The following SMPD3 variants were observed in gnomAD, a reference collection of about 807,000 sequenced individuals.
SMPD3 encodes nSMase-2.
SMPD3 carries 21 observed loss-of-function variants against 55.7 expected under a neutral mutation model. The observed-to-expected ratio is 0.38, with a 90% CI of 0.27 to 0.54. The LOEUF is 0.54. SMPD3 is among the 20% of genes least tolerant of loss of function. The pLI is 0.80. For synonymous variants in SMPD3, 457 were observed against 404.3 expected (o/e 1.13, Z -1.56); for missense variants, 842 against 899.6 (o/e 0.94, Z 0.82).
intron 8 of SMPD3, 120 bp from the exon 9 acceptor site, chr16:68,361,427 C>T (rs2089259198): frequency 3.7e-6 from 5 of 1,362,084 alleles, no homozygotes; most frequent in African/African-American, 1.4e-5. Context: ...GACCTTCCTG[C>T]AGTCAGAGGG....
chr16:68,437,758 C>T (rs1207117875), intron 1 of SMPD3, among the ~76,000 whole-genome samples: 1 of 152,226 alleles, frequency 6.6e-6, no homozygotes, highest in East Asian at 1.9e-4. Flanking sequence ...CCTCTCCTTT[C>T]CTGCCTTTGT....
intron 1 of SMPD3, among the ~76,000 whole-genome samples, chr16:68,388,763 G>C (rs1421636980): frequency 2.0e-5 from 3 of 151,852 alleles, no homozygotes; most frequent in Admixed American, 2.0e-4. Flanking sequence ...ATGGAATCTC[G>C]ACAACCTTGA....
At chr16:68,410,652 C>T (rs975797361) in intron 1 of SMPD3, among the ~76,000 whole-genome samples, 5 of 152,248 alleles carry the variant, frequency 3.3e-5, no homozygotes, top group Admixed American at 3.3e-4. Flanking sequence ...CAGAGTTTGA[C>T]TGAGAGTCAT....
chr16:68,398,397 A>C (rs1597645235), intron 1 of SMPD3, among the ~76,000 whole-genome samples: 1 of 152,238 alleles, frequency 6.6e-6, no homozygotes, highest in African/African-American at 2.4e-5. Context: ...CATGTGTCAG[A>C]AAGCTGGTGC....
Position 68,371,909 on chromosome 16 carries a change from G to T in SMPD3, c.273C>A (p.Ala91=), listed in dbSNP as rs1403189485. The change falls in exon 3 of 9, where the codon GCC becomes GCA. Residue 91 remains alanine (A), a synonymous_variant. Coordinates refer to ENST00000219334, the MANE Select transcript of SMPD3 (RefSeq NM_018667.4). ...GFLFWSPLQS[A]RRPYIYSRLE... Reference sequence around the variant, plus strand: ...GCCGTGAATAGATGTAGGGCCGGCGGGCCGACTGCAGTGGGGACCAGAAGA... The same window carrying T: ...GCCGTGAATAGATGTAGGGCCGGCGTGCCGACTGCAGTGGGGACCAGAAGA... The T allele has an allele frequency of 8.7e-6, 14 of 1,610,806 alleles. No homozygotes were observed. The highest frequency in any genetic ancestry group is 1.1e-5 in the Non-Finnish European group (13 of 1,179,422).
chr16:68,371,874 T>C lies in SMPD3; in HGVS notation c.308A>G (p.Lys103Arg), dbSNP rs2151984155. 1.9e-6 allele frequency: 3 copies of C among 1,608,418 alleles called. No individual in the cohort carries two copies. The highest frequency in any genetic ancestry group is 2.5e-6 in the Non-Finnish European group (3 of 1,178,522). Reference sequence around the variant, plus strand: ...CAGGGCTGCCCCACCGGCCAGGCCCTTGTCTTCCAGCCGTGAATAGATGTA... The same window carrying C: ...CAGGGCTGCCCCACCGGCCAGGCCCCTGTCTTCCAGCCGTGAATAGATGTA... ...RPYIYSRLED[K>R]GLAGGAALLS... The change falls in exon 3 of 9, where the codon AAG becomes AGG. Residue 103 changes from lysine to arginine, a missense_variant. Physicochemically the swap from Lys to Arg is conservative, Grantham distance 26. Transcript: ENST00000219334.
intron 1 of SMPD3, among the ~76,000 whole-genome samples, chr16:68,444,391 C>A (rs1310133815): frequency 1.3e-5 from 2 of 152,228 alleles, no homozygotes; most frequent in Admixed American, 6.5e-5. Flanking sequence ...AGCATGCATG[C>A]TGCCACTTGC....
In SMPD3 at chr16:68,405,410, C is replaced by T. The variant is rs142995047; in HGVS notation, c.-268-18751G>A. ...TACAAAAAATACAAAAATTAGCCCA[C>T]GTGGTGGCACACACCCGTGGTCCCA... On this transcript the variant is annotated intron_variant, in intron 1 of 8. Transcript: ENST00000219334. Among the ~76,000 whole-genome samples the T allele has an allele frequency of 7.5e-3, 1,134 of 151,210 alleles. 7 individuals carry two copies. The highest frequency in any genetic ancestry group is 0.055 in the South Asian group (262 of 4,788).
chr16:68,364,597 A>G (rs1206061518), intron 5 of SMPD3, 154 bp downstream of exon 5: 2 of 832,886 alleles, frequency 2.4e-6, no homozygotes, highest in Non-Finnish European at 3.7e-6. Context: ...TAGGATTTCT[A>G]GGGGGCAGAG....
intron 1 of SMPD3, among the ~76,000 whole-genome samples, chr16:68,436,228 T>C (rs1287577533): frequency 6.6e-6 from 1 of 152,232 alleles, no homozygotes; most frequent in South Asian, 2.1e-4. Flanking sequence ...TAGAACAATC[T>C]GAATTCCTTA....
chr16:68,413,161 T>A (rs1293577614), intron 1 of SMPD3, among the ~76,000 whole-genome samples: 1 of 152,132 alleles, frequency 6.6e-6, no homozygotes, highest in Non-Finnish European at 1.5e-5. Flanking sequence ...AGGGCCTGAG[T>A]TTCGGTGATG....
At chr16:68,411,655 GC>G (rs929063248) in intron 1 of SMPD3, among the ~76,000 whole-genome samples, 4 of 152,224 alleles carry the variant, frequency 2.6e-5, no homozygotes, top group African/African-American at 9.6e-5. Flanking sequence ...TGGGGGAACA[GC>G]AGCCACGTAG....
At chr16:68,363,307 G>A (rs575707929) in intron 7 of SMPD3, among the ~76,000 whole-genome samples, 189 bp downstream of exon 7, 260 of 152,314 alleles carry the variant, frequency 1.7e-3, no homozygotes, top group African/African-American at 5.9e-3. Context: ...GCGTGAGGGC[G>A]TGAGGTCTAC....
At position 68,372,168 on chromosome 16, in the gene SMPD3, G is replaced by A. The variant is rs749539970; in HGVS notation, c.14C>T (p.Thr5Met). 17 of 1,612,064 alleles carry A rather than the reference G, an allele frequency of 1.1e-5. No individual in the cohort carries two copies. Among genetic ancestry groups the A allele is most frequent in the Admixed American group, 3.3e-5 (2 of 59,724 alleles). The change falls in exon 3 of 9, where the codon ACG (threonine) becomes ATG (methionine). Residue 5 changes from threonine to methionine, a missense_variant. Coordinates refer to ENST00000219334, the MANE Select transcript of SMPD3 (RefSeq NM_018667.4). ...CAGACAGCTGTTAGGAAAGGGGGTC[G>A]TGTACAAAACCATCGCAGCTCACTG... MVLY[T>M]TPFPNSCLSA...
chr16:68,373,648 C>T (rs1181753081), intron 2 of SMPD3, among the ~76,000 whole-genome samples: 1 of 152,220 alleles, frequency 6.6e-6, no homozygotes, highest in African/African-American at 2.4e-5. Context: ...TCAGTCCCTG[C>T]CACTCCTGCT....
chr16:68,433,496 GCTACAT>G (rs1278634990), intron 1 of SMPD3, among the ~76,000 whole-genome samples: 1 of 152,254 alleles, frequency 6.6e-6, no homozygotes, highest in Non-Finnish European at 1.5e-5. Context: ...ATAAGGGGGA[GCTACAT>G]CCCTGTACAA....
chr16:68,375,230 T>C (rs1001377285), intron 2 of SMPD3, among the ~76,000 whole-genome samples: 1 of 144,288 alleles, frequency 6.9e-6, no homozygotes, highest in Non-Finnish European at 1.5e-5. Context: ...CTCACTGTCT[T>C]GGGGGACAAA....
intron 1 of SMPD3, among the ~76,000 whole-genome samples, chr16:68,390,071 G>A (rs1188415551): frequency 6.6e-6 from 1 of 152,142 alleles, no homozygotes; most frequent in African/African-American, 2.4e-5. Context: ...GGAAGGGGGT[G>A]GGCAATTCCT....
intron 1 of SMPD3, among the ~76,000 whole-genome samples, chr16:68,389,725 A>G (rs143485148): frequency 3.4e-4 from 52 of 152,312 alleles, no homozygotes; most frequent in Middle Eastern, 3.4e-3. Flanking sequence ...TCCCAGCCTC[A>G]TGCTACAGTT....
Sources: gnomAD v4.1 joint callset for allele counts (sites outside exome capture counted in the v4.1 genomes callset) on GRCh38, gnomAD v4.1.1 for gene constraint, MANE v1.5 for transcripts, NCBI Gene and HGNC (gene_info 2026-07-23, HGNC 2026-07-21) for gene names.